The following SETD3 variants were observed in gnomAD, a reference collection of about 807,000 sequenced individuals.
The protein encoded by SETD3 is actin-histidine N-methyltransferase.
A neutral mutation model predicts 63.0 loss-of-function variants in SETD3; 19 were observed. The ratio of observed to expected loss-of-function variants is 0.30; its 90% CI spans 0.21 to 0.44. The LOEUF is 0.44. Among genes scored for constraint, SETD3 ranks in the 20% least tolerant of loss-of-function variants. The pLI, the probability that SETD3 is intolerant of heterozygous loss-of-function variation, is 1.00. For synonymous variants in SETD3, 286 were observed against 264.1 expected, an observed-to-expected ratio of 1.08 and a Z score of -0.80; for missense variants, 587 against 728.5, an observed-to-expected ratio of 0.81 and a Z score of 2.24.
intron 6 of SETD3, among the ~76,000 whole-genome samples, chr14:99,451,487 G>GT (rs1319140891): frequency 6.6e-6 from 1 of 152,096 alleles, no homozygotes; most frequent in African/African-American, 2.4e-5. Flanking sequence ...AGCAGGTGTT[G>GT]TATCTTTTTT....
At chr14:99,472,876 G>A (rs2139814474) in intron 1 of SETD3, among the ~76,000 whole-genome samples, 1 of 152,190 alleles carries the variant, frequency 6.6e-6, no homozygotes, top group East Asian at 1.9e-4. Flanking sequence ...AAAATACGAA[G>A]AGTAGCAATA....
chr14:99,403,958 C>A (rs1488351228), intron 11 of SETD3, among the ~76,000 whole-genome samples: 2 of 152,200 alleles, frequency 1.3e-5, no homozygotes, highest in African/African-American at 4.8e-5. Context: ...TATATTTACC[C>A]TATCCAAGAT....
intron 10 of SETD3, 149 bp downstream of exon 10, chr14:99,405,056 G>A (rs773514242): frequency 1.5e-5 from 17 of 1,109,536 alleles, no homozygotes; most frequent in South Asian, 6.1e-5. Flanking sequence ...ACCAAGCGTC[G>A]CCATGGCTTA....
At chr14:99,471,581 G>A (rs924429159) in intron 1 of SETD3, among the ~76,000 whole-genome samples, 6 of 152,212 alleles carry the variant, frequency 3.9e-5, no homozygotes, top group African/African-American at 1.4e-4. Context: ...GCTGCAGCGA[G>A]CTATGATCAC....
At chr14:99,451,031 C>T (rs925557482) in intron 6 of SETD3, among the ~76,000 whole-genome samples, 2 of 152,148 alleles carry the variant, frequency 1.3e-5, no homozygotes, top group Non-Finnish European at 2.9e-5. Flanking sequence ...ATTTATTTTT[C>T]ATTGGCATAG....
chr14:99,463,987 A>T (rs1320554783), intron 2 of SETD3, among the ~76,000 whole-genome samples: 1 of 152,258 alleles, frequency 6.6e-6, no homozygotes, highest in Non-Finnish European at 1.5e-5. Flanking sequence ...TAATAGTAAA[A>T]GTCAACCTTT....
At chr14:99,421,342 G>C (rs1892587685) in intron 6 of SETD3, among the ~76,000 whole-genome samples, 1 of 151,444 alleles carries the variant, frequency 6.6e-6, no homozygotes, top group South Asian at 2.1e-4. Context: ...TTTAATTTCA[G>C]CAATTTTGGG....
At position 99,465,719 on chromosome 14, in the gene SETD3, G is replaced by T. The variant is rs1292288333; in HGVS notation, c.87C>A (p.Thr29=). Residue 29 remains threonine, a synonymous_variant, in exon 2 of 13, where the codon ACC becomes ACA. Transcript: ENST00000331768. ...AGGACTTACTCTGCAGCAGCTCACT[G>T]GTCAGGTTCAAGATTTCCTTTGGTG... ...TVSPKEILNL[T]SELLQKCSSP... 1.9e-6 allele frequency: 3 copies of T among 1,613,832 alleles called. No individual in the cohort carries two copies. The highest frequency in any genetic ancestry group is 1.7e-6 in the Non-Finnish European group (2 of 1,179,818).
Position 99,413,890 on chromosome 14 carries a change from A to G in SETD3, c.720T>C (p.Thr240=), listed in dbSNP as rs1173625019. ...CCCACACCAACCTGTAGTCCTCGTA[A>G]GTGAAAGAATCCTTCAAGGGTAGTT... ...ANKLPLKDSF[T]YEDYRWAVSS... is the part of the protein sequence containing the mutation. The change falls in exon 7 of 13, where the codon ACT becomes ACC. Residue 240 remains threonine, a synonymous_variant. Transcript: ENST00000331768. The G allele has an allele frequency of 6.2e-7, 1 of 1,614,186 alleles. No homozygotes were observed. Among genetic ancestry groups the G allele is most frequent in the Admixed American group, 1.7e-5 (1 of 60,028 alleles).
chr14:99,441,579 C>A (rs966992626), intron 6 of SETD3, among the ~76,000 whole-genome samples: 9 of 152,240 alleles, frequency 5.9e-5, no homozygotes, highest in African/African-American at 2.2e-4. Flanking sequence ...TCTTCACGGT[C>A]AGAAGAGACT....
chr14:99,465,112 G>C (rs1895291382), intron 2 of SETD3, among the ~76,000 whole-genome samples: 1 of 152,180 alleles, frequency 6.6e-6, no homozygotes, highest in Admixed American at 6.5e-5. Context: ...CTCCAGCCTG[G>C]GTGAGAGAGC....
intron 6 of SETD3, among the ~76,000 whole-genome samples, chr14:99,427,443 A>G (rs1892943880): frequency 6.6e-6 from 1 of 152,220 alleles, no homozygotes; most frequent in Non-Finnish European, 1.5e-5. Context: ...TGTAGGATGA[A>G]CTATATCTGC....
chr14:99,473,021 G>C (rs1328653100), intron 1 of SETD3, among the ~76,000 whole-genome samples: 3 of 152,158 alleles, frequency 2.0e-5, no homozygotes, highest in African/African-American at 7.2e-5. Context: ...AAAATCTACA[G>C]AATCTTCAAA....
chr14:99,448,717 C>T (rs1171152608), intron 6 of SETD3, among the ~76,000 whole-genome samples: 1 of 152,182 alleles, frequency 6.6e-6, no homozygotes, highest in Non-Finnish European at 1.5e-5. Flanking sequence ...ACCCCTCAGT[C>T]AGCAGATGCA....
chr14:99,434,983 T>C (rs1001467554), intron 6 of SETD3, among the ~76,000 whole-genome samples: 6 of 151,694 alleles, frequency 4.0e-5, no homozygotes, highest in Admixed American at 6.6e-5. Flanking sequence ...ATCTTTGCTA[T>C]AGGAGGGTTA....
chr14:99,469,391 T>C (rs1038726661), intron 1 of SETD3, among the ~76,000 whole-genome samples: 1 of 152,196 alleles, frequency 6.6e-6, no homozygotes, highest in African/African-American at 2.4e-5. Context: ...TTTCCCTGCC[T>C]ACAAGTCCTC....
At chr14:99,478,916 C>T (rs1024871035) in intron 1 of SETD3, 4 of 152,318 alleles carry the variant, frequency 2.6e-5, no homozygotes, top group African/African-American at 9.6e-5. Context: ...GCTTCTAAAG[C>T]AAAAGCTTAA....
At chr14:99,480,099 G>C (rs933289854) in intron 1 of SETD3, among the ~76,000 whole-genome samples, 1 of 152,216 alleles carries the variant, frequency 6.6e-6, no homozygotes, top group Non-Finnish European at 1.5e-5. Context: ...CGCGTGGGAA[G>C]AAAGACGACC....
chr14:99,450,270 C>T (rs1277716947), intron 6 of SETD3, among the ~76,000 whole-genome samples: 1 of 152,174 alleles, frequency 6.6e-6, no homozygotes, highest in Non-Finnish European at 1.5e-5. Flanking sequence ...CTGAAGGCCT[C>T]ATGTATTATC....
Sources: allele counts gnomAD v4.1 joint callset (sites outside exome capture counted in the v4.1 genomes callset), GRCh38; gene constraint gnomAD v4.1.1; transcripts MANE v1.5; gene names NCBI Gene and HGNC (gene_info 2026-07-23, HGNC 2026-07-21).